The following ANK2 variants were observed in gnomAD, a reference collection of about 807,000 sequenced individuals.
ANK2 encodes the protein ankyrin 2.
A neutral mutation model predicts 360.5 loss-of-function variants in ANK2; 83 were observed. The observed-to-expected ratio is 0.23, with a 90% CI of 0.19 to 0.28. The LOEUF (loss-of-function observed/expected upper bound fraction) is 0.28. ANK2 is among the 10% of genes least tolerant of loss of function. The pLI is 1.00. For missense variants in ANK2, 4,201 were observed against 4,795.7 expected, an observed-to-expected ratio of 0.88 and a Z score of 3.66; for synonymous variants, 1,740 against 1,759.5, an observed-to-expected ratio of 0.99 and a Z score of 0.28.
intron 1 of ANK2, among the ~76,000 whole-genome samples, chr4:112,819,749 C>G (rs2056450357): frequency 6.6e-6 from 1 of 152,162 alleles, no homozygotes; most frequent in African/African-American, 2.4e-5. Context: ...GGAAGATCCT[C>G]CCACCCCACC....
At chr4:112,852,798 C>G (rs2065325167) in intron 1 of ANK2, among the ~76,000 whole-genome samples, 1 of 152,148 alleles carries the variant, frequency 6.6e-6, no homozygotes, top group African/African-American at 2.4e-5. Flanking sequence ...AAAATGTTCT[C>G]AAGATAACAC....
At chr4:112,738,431 A>G in the ANK2 span, among the ~76,000 whole-genome samples, 2 of 151,818 alleles carry the variant, frequency 1.3e-5, no homozygotes, top group Non-Finnish European at 2.9e-5. Flanking sequence ...AAAAAAAAAA[A>G]AAGACATGCA....
intron 34 of ANK2, among the ~76,000 whole-genome samples, chr4:113,343,882 G>A (rs1362029085): frequency 6.6e-6 from 1 of 152,062 alleles, no homozygotes; most frequent in Non-Finnish European, 1.5e-5. Flanking sequence ...ATCCTCTTAG[G>A]TATAGGCTGG....
intron 33 of ANK2, among the ~76,000 whole-genome samples, chr4:113,342,129 A>G (rs1175945907): frequency 6.6e-6 from 1 of 152,210 alleles, no homozygotes; most frequent in Non-Finnish European, 1.5e-5. Flanking sequence ...TGAGAAGGTA[A>G]GATGATTCCT....
intron 4 of ANK2, among the ~76,000 whole-genome samples, chr4:113,200,549 G>A (rs1019231323): frequency 4.6e-5 from 7 of 152,022 alleles, no homozygotes; most frequent in African/African-American, 9.7e-5. Context: ...TCATTGTTTA[G>A]CTCTCACTTC....
intron 1 of ANK2, among the ~76,000 whole-genome samples, chr4:112,842,584 G>A (rs966360608): frequency 6.6e-6 from 1 of 152,104 alleles, no homozygotes; most frequent in African/African-American, 2.4e-5. Context: ...TAAGAAGCCC[G>A]TAACTTAGAT....
intron 1 of ANK2, chr4:112,827,422 C>T: frequency 3.6e-6 from 5 of 1,383,616 alleles, no homozygotes; most frequent in South Asian, 3.5e-5. Flanking sequence ...GAAGAGACCA[C>T]TAGAACTTGG....
At chr4:113,246,043 G>T (rs938302681) in intron 9 of ANK2, among the ~76,000 whole-genome samples, 1 of 152,088 alleles carries the variant, frequency 6.6e-6, no homozygotes, top group African/African-American at 2.4e-5. Context: ...TGATCTGCCC[G>T]CCTTGGCCTC....
At chr4:112,847,139 T>G (rs2063500142) in intron 1 of ANK2, among the ~76,000 whole-genome samples, 1 of 152,224 alleles carries the variant, frequency 6.6e-6, no homozygotes. Context: ...GACAAAATTA[T>G]GGTCTCTGCT....
chr4:112,824,153 A>ATCTATCTG (rs1229568303), intron 1 of ANK2, among the ~76,000 whole-genome samples: 5 of 151,440 alleles, frequency 3.3e-5, no homozygotes, highest in Non-Finnish European at 7.4e-5. Context: ...CTATCTATCT[A>ATCTATCTG]TCTATCTATC....
intron 19 of ANK2, 66 bp from the exon 20 acceptor site, chr4:113,288,322 G>C (rs980263813): frequency 1.5e-6 from 2 of 1,301,598 alleles, no homozygotes; most frequent in Non-Finnish European, 2.2e-6. Flanking sequence ...CTCCTCTGGG[G>C]TATTAACCAC....
At chr4:113,367,455 T>C in intron 41 of ANK2, 111 bp from the exon 42 acceptor site, 1 of 999,046 alleles carries the variant, frequency 1.0e-6, no homozygotes, top group Non-Finnish European at 1.5e-6. Flanking sequence ...CATCTCAGGA[T>C]GTAGCACATT....
intron 42 of ANK2, 136 bp downstream of exon 42, chr4:113,367,987 G>A: frequency 3.7e-6 from 4 of 1,084,262 alleles, no homozygotes; most frequent in Admixed American, 4.7e-5. Flanking sequence ...CAGAGCTAAA[G>A]GGGAAAAAAA....
the ANK2 span, among the ~76,000 whole-genome samples, chr4:112,713,807 G>A: frequency 3.3e-5 from 5 of 151,734 alleles, no homozygotes; most frequent in East Asian, 3.9e-4. Flanking sequence ...GGTGGCAGGC[G>A]CCTGTAGTCC....
At chr4:113,161,835 C>T (rs148828385) in intron 1 of ANK2, among the ~76,000 whole-genome samples, 1 of 152,156 alleles carries the variant, frequency 6.6e-6, no homozygotes, top group East Asian at 1.9e-4. Flanking sequence ...AGGGGCATTA[C>T]AAGAGGCCCT....
At position 113,306,688 on chromosome 4, in the gene ANK2, C is replaced by CAT. The variant is rs531431415; in HGVS notation, c.2548+3862_2548+3863dup. ...GACACAGGCTGTGGATATCATTCCA[C>CAT]ATATATATATATATTTTCAGTTAAG... On this transcript the variant is annotated intron_variant, in intron 23 of 45. Transcript: ENST00000357077. Among the ~76,000 whole-genome samples the CAT allele has an allele frequency of 1.8e-3, 279 of 151,196 alleles. 2 individuals are homozygous for CAT. The highest frequency in any genetic ancestry group is 8.4e-3 in the South Asian group (40 of 4,772).
At chr4:113,026,352 A>G (rs2059292034) in intron 2 of ANK2, among the ~76,000 whole-genome samples, 1 of 152,156 alleles carries the variant, frequency 6.6e-6, no homozygotes, top group Non-Finnish European at 1.5e-5. Flanking sequence ...AAACACAACA[A>G]AGCCATATCC....
At chr4:113,033,114 A>G (rs574018304) in intron 2 of ANK2, among the ~76,000 whole-genome samples, 1 of 152,038 alleles carries the variant, frequency 6.6e-6, no homozygotes, top group East Asian at 1.9e-4. Context: ...AAAACTACAT[A>G]TTACCTGGCC....
intron 1 of ANK2, among the ~76,000 whole-genome samples, chr4:113,064,449 G>T (rs940513439): frequency 2.6e-5 from 4 of 152,088 alleles, no homozygotes; most frequent in Non-Finnish European, 5.9e-5. Flanking sequence ...ATTCAGCCAG[G>T]ATTAAGGAGG....
Sources: gnomAD v4.1 joint callset for allele counts (sites outside exome capture counted in the v4.1 genomes callset) on GRCh38, gnomAD v4.1.1 for gene constraint, MANE v1.5 for transcripts, NCBI Gene and HGNC (gene_info 2026-07-23, HGNC 2026-07-21) for gene names.